BDKRB2: variants seen among roughly 807,000 people sequenced by gnomAD.
BDKRB2 encodes bradykinin receptor B2.
BDKRB2 carries 6 observed loss-of-function variants against 4.0 expected under a neutral mutation model. That is an observed-to-expected ratio of 1.49 (90% CI 0.81 to 2.93). The LOEUF is 2.93. BDKRB2 is among the 30% of genes most tolerant of loss of function. The pLI is 0.00. For missense variants in BDKRB2, 478 were observed against 520.1 expected, an observed-to-expected ratio of 0.92 and a Z score of 0.79; for synonymous variants, 225 against 215.3, an observed-to-expected ratio of 1.05 and a Z score of -0.40.
chr14:96,214,437 C>T (rs1404484170), intron 1 of BDKRB2, among the ~76,000 whole-genome samples: 1 of 152,216 alleles, frequency 6.6e-6, no homozygotes, highest in Non-Finnish European at 1.5e-5. Flanking sequence ...CACAACAGCC[C>T]TCCTGCCGGG....
chr14:96,240,463 C>A lies in BDKRB2; in HGVS notation c.135C>A (p.Ser45Arg), dbSNP rs746210702. Reference protein sequence around the residue: ...GPTLNGTFAQSKCPQVEWLGW... With the variant: ...GPTLNGTFAQRKCPQVEWLGW... ...CTCTTAACGGGACCTTTGCCCAGAG[C>A]AAATGCCCCCAAGTGGAGTGGCTGG... Residue 45 changes from serine (S) to arginine (R), a missense_variant, in exon 3 of 3, where the codon AGC becomes AGA. By Grantham distance (110) the Ser-to-Arg change is moderately radical. Transcript: ENST00000554311. 2.0e-6 allele frequency: 3 copies of A among 1,515,164 alleles called. No individual in the cohort carries two copies. Among genetic ancestry groups the A allele is most frequent in the South Asian group, 1.3e-5 (1 of 74,292 alleles). 93.9% of individuals were successfully genotyped at this position (1,515,164 alleles called of 1,614,324 possible).
In BDKRB2 at chr14:96,240,814, C is replaced by A; in HGVS notation, c.486C>A (p.Thr162=). The change falls in exon 3 of 3, where the codon ACC becomes ACA. Residue 162 remains threonine (T), a synonymous_variant. Transcript: ENST00000554311. ...ACCGCTACCTGGCCCTGGTGAAAAC[C>A]ATGTCCATGGGCCGGATGCGCGGCG... ...SIDRYLALVK[T]MSMGRMRGVR... 1.3e-6 allele frequency: 2 copies of A among 1,553,440 alleles called. No individual in the cohort carries two copies. The highest frequency in any genetic ancestry group is 2.3e-5 in the East Asian group (1 of 44,426).
intron 1 of BDKRB2, among the ~76,000 whole-genome samples, chr14:96,214,222 C>A (rs551314469): frequency 6.6e-6 from 1 of 152,322 alleles, no homozygotes; most frequent in East Asian, 1.9e-4. Context: ...ACTTTCCCTG[C>A]AAGTGGTCTG....
chr14:96,236,609 C>T (rs930992217), intron 1 of BDKRB2, among the ~76,000 whole-genome samples: 2 of 152,192 alleles, frequency 1.3e-5, no homozygotes, highest in South Asian at 4.1e-4. Context: ...CTGGTCCTTG[C>T]TTCCACTCTA....
Position 96,241,354 on chromosome 14 carries a change from G to T in BDKRB2, c.1026G>T (p.Lys342Asn). 1 of 1,614,068 alleles carries T rather than the reference G, an allele frequency of 6.2e-7. No individual in the cohort carries two copies. Among genetic ancestry groups the T allele is most frequent in the Non-Finnish European group, 8.5e-7 (1 of 1,180,006 alleles). ...TCGTGGGCAAGCGCTTCCGAAAGAAGTCTTGGGAGGTGTACCAGGGAGTGT... is the reference window on the plus strand; with the variant it reads ...TCGTGGGCAAGCGCTTCCGAAAGAATTCTTGGGAGGTGTACCAGGGAGTGT... ...YVIVGKRFRK[K>N]SWEVYQGVCQ... Residue 342 changes from lysine (K) to asparagine (N), a missense_variant, in exon 3 of 3, where the codon AAG (lysine) becomes AAT (asparagine). Physicochemically the swap from Lys to Asn is moderately conservative, Grantham distance 94. Transcript: ENST00000554311.
At chr14:96,224,422 A>C (rs1890649281) in intron 1 of BDKRB2, among the ~76,000 whole-genome samples, 1 of 152,204 alleles carries the variant, frequency 6.6e-6, no homozygotes, top group Admixed American at 6.5e-5. Context: ...TAGTCCCTAC[A>C]TTGCAGGGGT....
chr14:96,240,002 C>T, intron 2 of BDKRB2: 1 of 1,001,432 alleles, frequency 1.0e-6, no homozygotes, highest in African/African-American at 1.7e-5. Flanking sequence ...TCACCCACCA[C>T]ACGGCTTTGA....
rs1219110798 is a variant in BDKRB2, at chr14:96,244,120, A to T, written c.*2616A>T. The T allele has an allele frequency of 2.5e-6, 1 of 398,464 alleles. No individual in the cohort carries two copies. Among genetic ancestry groups the T allele is most frequent in the Admixed American group, 4.4e-5 (1 of 22,726 alleles). 24.7% of individuals were successfully genotyped at this position (398,464 alleles called of 1,614,324 possible). On this transcript the variant is annotated 3_prime_UTR_variant, in exon 3 of 3. Coordinates refer to ENST00000554311, the MANE Select transcript of BDKRB2 (RefSeq NM_001379692.1). ...ATCCAAACGAGAAAATCATGTAAAC[A>T]TGTGTCTTTTCTGTAGAGCATAATA...
intron 1 of BDKRB2, among the ~76,000 whole-genome samples, chr14:96,213,526 A>ACG (rs1218811991): frequency 1.6e-5 from 2 of 125,634 alleles, no homozygotes; most frequent in African/African-American, 2.7e-5. Flanking sequence ...ACACACACAC[A>ACG]CACACACGTG....
At chr14:96,206,970 G>A (rs1890197389) in intron 1 of BDKRB2, among the ~76,000 whole-genome samples, 1 of 152,098 alleles carries the variant, frequency 6.6e-6, no homozygotes, top group Admixed American at 6.5e-5. Flanking sequence ...ATGGTGGAAG[G>A]GTGAACACGC....
At chr14:96,220,924 C>G (rs963870297) in intron 1 of BDKRB2, among the ~76,000 whole-genome samples, 7 of 152,076 alleles carry the variant, frequency 4.6e-5, no homozygotes, top group African/African-American at 1.5e-4. Context: ...CTGTCCCCAA[C>G]TTGGGCACAC....
rs1320975078 is a variant in BDKRB2 at position 96,240,663 on chromosome 14, T to C, written c.335T>C (p.Phe112Ser). The change falls in exon 3 of 3, where the codon TTC becomes TCC. Residue 112 changes from phenylalanine (F) to serine (S), a missense_variant. By Grantham distance (155) the Phe-to-Ser change is radical (BLOSUM62 -2). Coordinates refer to ENST00000554311, the MANE Select transcript of BDKRB2 (RefSeq NM_001379692.1). ...CTGATCCTGGCCTGCGGGCTGCCCTTCTGGGCCATCACCATCTCCAACAAC... is the reference window on the plus strand; with the variant it reads ...CTGATCCTGGCCTGCGGGCTGCCCTCCTGGGCCATCACCATCTCCAACAAC... ...ADLILACGLP[F>S]WAITISNNFD... is the part of the protein sequence containing the mutation. 6.3e-7 allele frequency: 1 copy of C among 1,583,440 alleles called. No homozygotes were observed. Among genetic ancestry groups the C allele is most frequent in the African/African-American group, 1.3e-5 (1 of 74,112 alleles).
intron 1 of BDKRB2, among the ~76,000 whole-genome samples, chr14:96,226,603 G>A (rs1300964201): frequency 2.6e-5 from 4 of 151,948 alleles, no homozygotes; most frequent in Non-Finnish European, 4.4e-5. Flanking sequence ...GCAGTGAGCC[G>A]AGATCGTGCC....
chr14:96,241,531 T>C lies in BDKRB2; in HGVS notation c.*27T>C. 1 of 1,508,292 alleles carries C rather than the reference T, an allele frequency of 6.6e-7. No homozygotes were observed. The highest frequency in any genetic ancestry group is 8.8e-7 in the Non-Finnish European group (1 of 1,136,204). The allele number at this position is 1,508,292 out of a possible 1,614,324, so 93.4% of individuals were successfully genotyped here. A position where few individuals can be genotyped will look rare whatever the true frequency, so the allele number is the denominator to read the frequency against. On this transcript the variant is annotated 3_prime_UTR_variant, in exon 3 of 3. Transcript: ENST00000554311. ...CAAACGCCAGCAGGGCTGCTGTGAA[T>C]TTGTGTAAGGATTGAGGGACAGTTG...
chr14:96,234,783 C>T (rs929130395), intron 1 of BDKRB2, among the ~76,000 whole-genome samples: 1 of 152,194 alleles, frequency 6.6e-6, no homozygotes, highest in African/African-American at 2.4e-5. Flanking sequence ...CTGGGGACAC[C>T]CAGCCAGGTA....
Position 96,225,123 on chromosome 14 carries a change from C to T in BDKRB2, c.-39-11946C>T, listed in dbSNP as rs1456855982. Reference sequence around the variant, plus strand: ...CCTCTGCAGACTCAGTGTGCTGATCCCATTGCCTCTGCTTGCATGCCTCTC... The same window carrying T: ...CCTCTGCAGACTCAGTGTGCTGATCTCATTGCCTCTGCTTGCATGCCTCTC... On this transcript the variant is annotated intron_variant, in intron 1 of 2. Transcript: ENST00000554311. Among the ~76,000 whole-genome samples, 3 of 152,182 alleles carry T rather than the reference C, an allele frequency of 2.0e-5. No individual in the cohort carries two copies. The East Asian group carries it at 5.8e-4, about 29-fold the overall frequency.
At chr14:96,222,983 A>T (rs975803887) in intron 1 of BDKRB2, 13 of 633,484 alleles carry the variant, frequency 2.1e-5, no homozygotes, top group Non-Finnish European at 3.7e-5. Context: ...GCTATGGAAA[A>T]TTCTGTAGAA....
At chr14:96,232,607 G>A (rs1890843037) in intron 1 of BDKRB2, among the ~76,000 whole-genome samples, 1 of 152,204 alleles carries the variant, frequency 6.6e-6, no homozygotes, top group Non-Finnish European at 1.5e-5. Context: ...AATAGAATGT[G>A]AACAATGCTA....
intron 1 of BDKRB2, among the ~76,000 whole-genome samples, chr14:96,219,122 C>A (rs1890496041): frequency 6.6e-6 from 1 of 151,730 alleles, no homozygotes; most frequent in African/African-American, 2.4e-5. Context: ...ACCAACATGG[C>A]AAGACCCTGT....
Sources: gnomAD v4.1 joint callset for allele counts (sites outside exome capture counted in the v4.1 genomes callset) on GRCh38, gnomAD v4.1.1 for gene constraint, MANE v1.5 for transcripts, NCBI Gene and HGNC (gene_info 2026-07-23, HGNC 2026-07-21) for gene names.